Variants in NUP153 observed in about 807,000 individuals in gnomAD.
The protein encoded by NUP153 is nucleoporin 153, also known as nuclear pore complex protein Nup153.
A neutral mutation model predicts 134.6 loss-of-function variants in NUP153; 27 were observed. The ratio of observed to expected loss-of-function variants is 0.20; its 90% CI spans 0.15 to 0.28. The LOEUF (loss-of-function observed/expected upper bound fraction) is 0.28. Ranked by LOEUF, NUP153 falls within the 10% of genes least tolerant of loss-of-function variation. NUP153 has a pLI of 1.00. For missense variants in NUP153, 1,821 were observed against 1,731.3 expected, an observed-to-expected ratio of 1.05 and a Z score of -0.92; for synonymous variants, 640 against 623.5, an observed-to-expected ratio of 1.03 and a Z score of -0.40.
intron 8 of NUP153, among the ~76,000 whole-genome samples, chr6:17,667,633 G>T (rs1437660723): frequency 6.6e-6 from 1 of 152,154 alleles, no homozygotes; most frequent in African/African-American, 2.4e-5. Context: ...AGAATTGCTT[G>T]AGCCCTGGAG....
intron 1 of NUP153, among the ~76,000 whole-genome samples, chr6:17,696,492 A>G (rs1231119010): frequency 6.6e-6 from 1 of 152,196 alleles, no homozygotes; most frequent in Non-Finnish European, 1.5e-5. Flanking sequence ...ACGGTGGCTC[A>G]CGCCTGTAAT....
chr6:17,686,507 T>G (rs1298380228), intron 2 of NUP153, among the ~76,000 whole-genome samples: 1 of 151,802 alleles, frequency 6.6e-6, no homozygotes. Flanking sequence ...GCCATTCTCC[T>G]GCCTCAGCCT....
Position 17,649,382 on chromosome 6 carries a change from C to G in NUP153, c.1396-82G>C, listed in dbSNP as rs1421427264. On this transcript the variant is annotated intron_variant, in intron 11 of 21. Coordinates refer to ENST00000262077, the MANE Select transcript of NUP153 (RefSeq NM_005124.4). ...TACTTATTTTCAGCATGAAAGTATA[C>G]AGGAAGAAGATGGTACCATGTAGTG... The G allele has an allele frequency of 2.2e-6, 3 of 1,335,354 alleles. No individual in the cohort carries two copies. In the African/African-American group the frequency reaches 4.4e-5, roughly 19 times the overall value. The allele number at this position is 1,335,354 out of a possible 1,614,324, so 82.7% of individuals were successfully genotyped here.
chr6:17,618,122 T>C (rs961635328), intron 20 of NUP153, among the ~76,000 whole-genome samples: 2 of 152,174 alleles, frequency 1.3e-5, no homozygotes, highest in Admixed American at 6.5e-5. Context: ...TGCATCTTCT[T>C]TGGGGTATCT....
At position 17,706,214 on chromosome 6, in the gene NUP153, C is replaced by A; in HGVS notation, c.111+63G>T. 1 of 1,375,778 alleles carries A rather than the reference C, an allele frequency of 7.3e-7. No homozygotes were observed. The highest frequency in any genetic ancestry group is 1.0e-6 in the Non-Finnish European group (1 of 969,416). 85.2% of individuals were successfully genotyped at this position (1,375,778 alleles called of 1,614,324 possible). On this transcript the variant is annotated intron_variant, in intron 1 of 21. Transcript: ENST00000262077. The surrounding 1 kb of genome is among the most constrained non-coding windows in gnomAD (Gnocchi z 5.9). ...CACGTGGGGCGCCGGGGCCTCGAAC[C>A]GCCCGTCCCCTCCAGCCGAGTTTCC...
intron 18 of NUP153, among the ~76,000 whole-genome samples, chr6:17,627,130 G>A (rs1271555967): frequency 6.6e-6 from 1 of 152,054 alleles, no homozygotes; most frequent in African/African-American, 2.4e-5. Flanking sequence ...AGTACACTAT[G>A]GGCATTAGTA....
intron 11 of NUP153, among the ~76,000 whole-genome samples, chr6:17,659,680 C>A (rs1268807380): frequency 6.6e-6 from 1 of 152,144 alleles, no homozygotes; most frequent in Non-Finnish European, 1.5e-5. Context: ...ATCATGTTGG[C>A]CAGGATGGTC....
rs9367959 is a variant in NUP153 at position 17,696,342 on chromosome 6, C to G, written c.112-7724G>C. ...CTTTGACCTTACTACCAAGGAAGGC[C>G]CAATGTAACCCACCTATGTTTTGAG... On this transcript the variant is annotated intron_variant, in intron 1 of 21. Coordinates refer to ENST00000262077, the MANE Select transcript of NUP153 (RefSeq NM_005124.4). 3.2e-4 allele frequency among the ~76,000 whole-genome samples: 49 copies of G among 152,178 alleles called. No homozygotes were observed. The East Asian group carries it at 9.3e-3, about 29-fold the overall frequency.
Position 17,629,006 on chromosome 6 carries a change from A to G in NUP153, c.3193T>C (p.Cys1065Arg), listed in dbSNP as rs772869138. 2 of 1,614,142 alleles carry G rather than the reference A, an allele frequency of 1.2e-6. No individual in the cohort carries two copies. Among genetic ancestry groups the G allele is most frequent in the Non-Finnish European group, 1.7e-6 (2 of 1,180,036 alleles). Residue 1065 changes from cysteine to arginine, a missense_variant, in exon 18 of 22, where the codon TGT becomes CGT. Transcript: ENST00000262077. ...TKSASVAPFTCKTSEAKKEEM... is the reference protein window; with the variant it reads ...TKSASVAPFTRKTSEAKKEEM... ...TCTTTTTTAGCTTCTGATGTCTTAC[A>G]TGTGAAAGGAGCCACTGAAGCACTC...
rs142585759 is a variant in NUP153, at chr6:17,637,495, G to C, written c.2122C>G (p.Leu708Val). Reference protein sequence around the residue: ...ETPNKSGKTTLSASGTGFGDK... With the variant: ...ETPNKSGKTTVSASGTGFGDK... ...CCAAAGCCTGTCCCTGATGCAGAAA[G>C]AGTTGTTTTGCCACTTTTATTTGGT... The change falls in exon 16 of 22, where the codon CTT (leucine) becomes GTT (valine). Residue 708 changes from leucine to valine, a missense_variant. Leu to Val is a conservative substitution (Grantham distance 32, BLOSUM62 1). Transcript: ENST00000262077. 2.5e-6 allele frequency: 4 copies of C among 1,614,122 alleles called. No homozygotes were observed. The African/African-American group carries it at 5.3e-5, about 22-fold the overall frequency.
intron 9 of NUP153, among the ~76,000 whole-genome samples, chr6:17,664,199 C>T (rs934229323): frequency 1.3e-5 from 2 of 151,920 alleles, no homozygotes; most frequent in African/African-American, 2.4e-5. Flanking sequence ...TGGCTACTGA[C>T]GGGTATGGGT....
intron 11 of NUP153, among the ~76,000 whole-genome samples, chr6:17,659,198 A>T (rs1378783524): frequency 6.6e-6 from 1 of 152,256 alleles, no homozygotes; most frequent in Non-Finnish European, 1.5e-5. Context: ...AACTTTTTGC[A>T]GGGAAAACAC....
At chr6:17,657,976 A>T (rs991986817) in intron 11 of NUP153, among the ~76,000 whole-genome samples, 2 of 152,226 alleles carry the variant, frequency 1.3e-5, no homozygotes, top group African/African-American at 4.8e-5. Context: ...TAGACAAAAG[A>T]CAAGTTCGAG....
At chr6:17,618,723 G>A (rs531607255) in intron 20 of NUP153, among the ~76,000 whole-genome samples, 23 of 152,104 alleles carry the variant, frequency 1.5e-4, no homozygotes, top group Non-Finnish European at 2.1e-4. Flanking sequence ...CCGCCACCAC[G>A]CCTGGCTAAT....
intron 2 of NUP153, among the ~76,000 whole-genome samples, chr6:17,681,720 T>C (rs559830518): frequency 9.2e-5 from 14 of 152,300 alleles, no homozygotes; most frequent in African/African-American, 3.4e-4. Flanking sequence ...TACACATAGG[T>C]TGAAATGTTT....
intron 2 of NUP153, among the ~76,000 whole-genome samples, chr6:17,681,813 G>A (rs1319805725): frequency 6.6e-6 from 1 of 151,964 alleles, no homozygotes; most frequent in African/African-American, 2.4e-5. Flanking sequence ...TCTCATCCCT[G>A]CATCAGTTTC....
At chr6:17,654,817 C>T (rs1766714046) in intron 11 of NUP153, among the ~76,000 whole-genome samples, 1 of 152,170 alleles carries the variant, frequency 6.6e-6, no homozygotes, top group African/African-American at 2.4e-5. Flanking sequence ...TGGGTTATCT[C>T]ATATGAGGTA....
Position 17,629,436 on chromosome 6 carries a change from A to G in NUP153, c.2763T>C (p.Thr921=). The change falls in exon 18 of 22, where the codon ACT becomes ACC. Residue 921 remains threonine (T), a synonymous_variant. Coordinates refer to ENST00000262077, the MANE Select transcript of NUP153 (RefSeq NM_005124.4). ...CCTGATCTCCAAATTTAAAATTTCC[A>G]GTGCTTGTTAAAGTCTGAGAAGGCC... is the stretch of plus-strand genomic sequence containing the variant. ...SSGPSQTLTS[T]GNFKFGDQGG... The G allele has an allele frequency of 1.2e-6, 2 of 1,614,108 alleles. No individual in the cohort carries two copies. The highest frequency in any genetic ancestry group is 1.1e-5 in the South Asian group (1 of 91,076).
At position 17,661,749 on chromosome 6, in the gene NUP153, A is replaced by C. The variant is rs1767198570; in HGVS notation, c.1299T>G (p.Pro433=). Residue 433 remains proline, a synonymous_variant, in exon 11 of 22, where the codon CCT becomes CCG. Coordinates refer to ENST00000262077, the MANE Select transcript of NUP153 (RefSeq NM_005124.4). ...CTCCAGAAGATAAACCATTGGCTGCAGGCAAACTGAAATTTGGATATGAAA... is the reference window on the plus strand; with the variant it reads ...CTCCAGAAGATAAACCATTGGCTGCCGGCAAACTGAAATTTGGATATGAAA... ...SGFSYPNFSL[P]AANGLSSGVG... The C allele has an allele frequency of 8.1e-6, 13 of 1,612,936 alleles. No homozygotes were observed. In the East Asian group the frequency reaches 2.7e-4, roughly 33 times the overall value.
Sources: allele counts gnomAD v4.1 joint callset (sites outside exome capture counted in the v4.1 genomes callset), GRCh38; gene constraint gnomAD v4.1.1; non-coding constraint Gnocchi (gnomAD v3.1); transcripts MANE v1.5; gene names NCBI Gene and HGNC (gene_info 2026-07-23, HGNC 2026-07-21).